PMPCB: variants seen among roughly 807,000 people sequenced by gnomAD.
PMPCB encodes the protein mitochondrial-processing peptidase subunit beta.
Under a neutral mutation model 61.5 loss-of-function variants are expected in PMPCB, and 46 were observed. That is an observed-to-expected ratio of 0.75 (90% CI 0.59 to 0.96). PMPCB has a LOEUF of 0.96. PMPCB is among the 40% of genes least tolerant of loss of function. The probability of loss-of-function intolerance (pLI) is 0.00; values close to 1 mark genes in which losing one functional copy is unlikely to be tolerated. For synonymous variants in PMPCB, 191 were observed against 201.6 expected (o/e 0.95, Z 0.44); for missense variants, 590 against 602.4 (o/e 0.98, Z 0.22).
chr7:103,307,768 A>G (rs1330535460), intron 7 of PMPCB, 60 bp downstream of exon 7: 4 of 888,854 alleles, frequency 4.5e-6, no homozygotes, highest in Admixed American at 1.8e-5. Flanking sequence ...GTATTTACAC[A>G]TAAGTAAACA....
chr7:103,307,669 A>C lies in PMPCB; in HGVS notation c.810A>C (p.Glu270Asp). ...FGDSLCTHKG[E>D]IPALPPCKFT... Reference sequence around the variant, plus strand: ...ACTCTTTATGCACACACAAAGGAGAAATACCAGCTCTGCCTCCCTGCAAAT... The same window carrying C: ...ACTCTTTATGCACACACAAAGGAGACATACCAGCTCTGCCTCCCTGCAAAT... Residue 270 changes from glutamate (E) to aspartate (D), a missense_variant, in exon 7 of 13, where the codon GAA becomes GAC. Physicochemically the swap from Glu to Asp is conservative, Grantham distance 45 (BLOSUM62 2). Coordinates refer to ENST00000249269, the MANE Select transcript of PMPCB (RefSeq NM_004279.3). 1 of 1,613,254 alleles carries C rather than the reference A, an allele frequency of 6.2e-7. No individual in the cohort carries two copies. The highest frequency in any genetic ancestry group is 8.5e-7 in the Non-Finnish European group (1 of 1,179,190).
At chr7:103,311,586 C>A (rs1817753565) in intron 9 of PMPCB, 57 bp from the exon 10 acceptor site, 6 of 1,230,358 alleles carry the variant, frequency 4.9e-6, no homozygotes, top group South Asian at 1.3e-5. Flanking sequence ...ATTCTTAGGT[C>A]ATTAACTCAT....
At chr7:103,307,808 TGGAA>T in intron 7 of PMPCB, 100 bp downstream of exon 7, 2 of 696,602 alleles carry the variant, frequency 2.9e-6, no homozygotes, top group South Asian at 3.3e-5. Context: ...AGGAAAAGAA[TGGAA>T]TAATAGGAAA....
chr7:103,331,819 A>G (rs1484892559), downstream of PMPCB, among the ~76,000 whole-genome samples: 1 of 152,130 alleles, frequency 6.6e-6, no homozygotes, highest in African/African-American at 2.4e-5. Context: ...AAAACATGGG[A>G]GTGCAGGTAC....
chr7:103,324,510 CA>C, intron 12 of PMPCB: 1 of 1,497,016 alleles, frequency 6.7e-7, no homozygotes, highest in East Asian at 2.4e-5. Context: ...TCTACATCTT[CA>C]AATGATGAAT....
At chr7:103,337,833 G>T in the PMPCB span, 1 of 1,595,766 alleles carries the variant, frequency 6.3e-7, no homozygotes. Context: ...ACACAAAAGG[G>T]AGTCAAATTT....
rs375429957 is a variant in PMPCB, at chr7:103,300,165, CTT to C, written c.328-10_328-9del. 1.2e-3 allele frequency: 1,918 copies of C among 1,604,864 alleles called. 25 individuals are homozygous for C. In the African/African-American group the frequency reaches 0.021, roughly 18 times the overall value. On this transcript the variant is annotated splice_polypyrimidine_tract_variant and intron_variant, in intron 3 of 12. Transcript: ENST00000249269. ...GGAGTTTGCATAATTTGTTTTTCCT[CTT>C]TTATTTCAAGGGCACCAAGAAGAGA...
chr7:103,300,313 GTTA>G lies in PMPCB; in HGVS notation c.457+12_457+14del, dbSNP rs1817415108. 1 of 1,590,402 alleles carries G rather than the reference GTTA, an allele frequency of 6.3e-7. No individual in the cohort carries two copies. Among genetic ancestry groups the G allele is most frequent in the South Asian group, 1.2e-5 (1 of 86,536 alleles). On this transcript the variant is annotated splice_region_variant and intron_variant, in intron 4 of 12. Coordinates refer to ENST00000249269, the MANE Select transcript of PMPCB (RefSeq NM_004279.3). ...CTCTAAAGACTTGCCAAGAGGTACTGTTATTATTTATACAGCAGATAATGTAAT... is the reference window on the plus strand; with the variant it reads ...CTCTAAAGACTTGCCAAGAGGTACTGTTATTTATACAGCAGATAATGTAAT...
At position 103,303,971 on chromosome 7, in the gene PMPCB, A is replaced by C. The variant is rs749942456; in HGVS notation, c.587A>C (p.Tyr196Ser). ...AATTTACAAGAAGTTGTTTTTGATT[A>C]TCTTCATGCCACAGCTTATCAAAAT... ...ETNLQEVVFD[Y>S]LHATAYQNTA... The change falls in exon 5 of 13, where the codon TAT becomes TCT. Residue 196 changes from tyrosine (Y) to serine (S), a missense_variant. Physicochemically the swap from Tyr to Ser is moderately radical, Grantham distance 144. Transcript: ENST00000249269. The C allele has an allele frequency of 2.5e-6, 4 of 1,614,082 alleles. No homozygotes were observed. The highest frequency in any genetic ancestry group is 3.4e-6 in the Non-Finnish European group (4 of 1,179,922).
At chr7:103,305,378 C>T (rs1353475548) in intron 6 of PMPCB, among the ~76,000 whole-genome samples, 1 of 152,090 alleles carries the variant, frequency 6.6e-6, no homozygotes, top group Non-Finnish European at 1.5e-5. Context: ...ATCTAGACAG[C>T]AGTACATTTT....
intron 12 of PMPCB, chr7:103,324,713 G>C: frequency 1.4e-6 from 1 of 727,038 alleles, no homozygotes; most frequent in South Asian, 2.8e-5. Context: ...GGAGCTGGAA[G>C]GTCAGCAGTG....
rs748274168 is a variant in PMPCB at position 103,298,697 on chromosome 7, T to C, written c.229T>C (p.Ser77Pro). ...LRVASEDSGL[S>P]TCTVGLWIDA... Reference sequence around the variant, plus strand: ...AGTAGCTTCGGAAGACTCTGGGCTCTCAACATGCACAGTAAGTGACTCAGG... The same window carrying C: ...AGTAGCTTCGGAAGACTCTGGGCTCCCAACATGCACAGTAAGTGACTCAGG... Residue 77 changes from serine to proline, a missense_variant, in exon 2 of 13, where the codon TCA becomes CCA. Ser to Pro is a moderately conservative substitution (Grantham distance 74). Coordinates refer to ENST00000249269, the MANE Select transcript of PMPCB (RefSeq NM_004279.3). The C allele has an allele frequency of 1.9e-6, 3 of 1,613,828 alleles. No homozygotes were observed. In the East Asian group the frequency reaches 6.7e-5, roughly 36 times the overall value.
rs567909024 is a variant in PMPCB at position 103,312,469 on chromosome 7, C to T, written c.*198C>T. On this transcript the variant is annotated 3_prime_UTR_variant, in exon 13 of 13. Transcript: ENST00000249269. ...GTTCTCTGAGAAATTATGTTGGAAGCAGCATACTTTCAAATTATTACCATG... is the reference window on the plus strand; with the variant it reads ...GTTCTCTGAGAAATTATGTTGGAAGTAGCATACTTTCAAATTATTACCATG... 3.6e-5 allele frequency: 56 copies of T among 1,545,250 alleles called. No individual in the cohort carries two copies. In the South Asian group the frequency reaches 6.8e-4, roughly 19 times the overall value.
At chr7:103,310,251 T>G in intron 8 of PMPCB, 64 bp from the exon 9 acceptor site, 1 of 1,265,170 alleles carries the variant, frequency 7.9e-7, no homozygotes, top group Non-Finnish European at 1.1e-6. Flanking sequence ...ACACACTCCA[T>G]TTTTCTTTCT....
At chr7:103,315,789 G>A (rs375472634), downstream of PMPCB, 40 of 1,613,562 alleles carry the variant, frequency 2.5e-5, no homozygotes, top group South Asian at 2.4e-4. Context: ...AAGGCGTTGC[G>A]TTGTCTGCTT....
chr7:103,306,359 T>G (rs940334212), intron 6 of PMPCB, among the ~76,000 whole-genome samples: 5 of 151,812 alleles, frequency 3.3e-5, no homozygotes, highest in Non-Finnish European at 7.4e-5. Context: ...GAAATTTAGA[T>G]GACACTATTT....
At position 103,314,400 on chromosome 7, in the gene PMPCB, C is replaced by G. The variant is rs187177165; in HGVS notation, c.*2129C>G. The G allele has an allele frequency of 6.1e-4, 600 of 985,318 alleles. 4 individuals carry two copies. In the African/African-American group the frequency reaches 9.9e-3, roughly 16 times the overall value. The allele number at this position is 985,318 out of a possible 1,614,324, so 61.0% of individuals were successfully genotyped here. ...AGCCTTCCCATTTCCATAAAAGAGG[C>G]AAAGGAGTCATACCCACATAGCACT... On this transcript the variant is annotated 3_prime_UTR_variant, in exon 13 of 13. Coordinates refer to ENST00000249269, the MANE Select transcript of PMPCB (RefSeq NM_004279.3).
At chr7:103,306,420 T>C (rs1817593732) in intron 6 of PMPCB, among the ~76,000 whole-genome samples, 1 of 151,638 alleles carries the variant, frequency 6.6e-6, no homozygotes, top group South Asian at 2.1e-4. Context: ...TTTGCTCTTA[T>C]TGCCCAGGCT....
At chr7:103,298,423 A>G (rs1817353331) in intron 1 of PMPCB, 145 bp from the exon 2 acceptor site, 1 of 786,874 alleles carries the variant, frequency 1.3e-6, no homozygotes. Flanking sequence ...GGCCAGGCAG[A>G]GATCTCAGTG....
Sources: allele counts gnomAD v4.1 joint callset (sites outside exome capture counted in the v4.1 genomes callset), GRCh38; gene constraint gnomAD v4.1.1; transcripts MANE v1.5; gene names NCBI Gene and HGNC (gene_info 2026-07-23, HGNC 2026-07-21).